CDC14A: variants seen among roughly 807,000 people sequenced by gnomAD.
The protein encoded by CDC14A is dual specificity protein phosphatase CDC14A.
CDC14A carries 53 observed loss-of-function variants against 74.4 expected under a neutral mutation model. That is an observed-to-expected ratio of 0.71 (90% CI 0.57 to 0.89). CDC14A has a LOEUF of 0.89. Ranked by LOEUF, CDC14A falls within the 40% of genes least tolerant of loss-of-function variation. The probability of loss-of-function intolerance (pLI) is 0.00; values close to 1 mark genes in which losing one functional copy is unlikely to be tolerated. For missense variants in CDC14A, 646 were observed against 713.7 expected, an observed-to-expected ratio of 0.91 and a Z score of 1.08; for synonymous variants, 247 against 258.4, an observed-to-expected ratio of 0.96 and a Z score of 0.43.
intron 2 of CDC14A, among the ~76,000 whole-genome samples, chr1:100,358,396 A>G (rs1300823884): frequency 1.3e-5 from 2 of 152,212 alleles, no homozygotes; most frequent in Admixed American, 1.3e-4. Context: ...AGTGGTGGTC[A>G]TGGGTGTAGG....
intron 7 of CDC14A, among the ~76,000 whole-genome samples, chr1:100,443,637 C>T (rs1665207635): frequency 1.3e-5 from 2 of 151,990 alleles, no homozygotes; most frequent in Admixed American, 1.3e-4. Flanking sequence ...GCCAAGCCCC[C>T]TTATAATATT....
upstream of CDC14A, among the ~76,000 whole-genome samples, chr1:100,349,012 T>A (rs982540642): frequency 3.9e-5 from 6 of 152,270 alleles, no homozygotes; most frequent in African/African-American, 1.4e-4. Context: ...CTGGCCAACA[T>A]AGTGAAATCC....
chr1:100,393,110 G>A lies in CDC14A; in HGVS notation c.309+2286G>A. 4 of 1,456,746 alleles carry A rather than the reference G, an allele frequency of 2.7e-6. No homozygotes were observed. In the South Asian group the frequency reaches 3.5e-5, roughly 13 times the overall value. 90.2% of individuals were successfully genotyped at this position (1,456,746 alleles called of 1,614,324 possible). Reference sequence around the variant, plus strand: ...ATTTGATAGATTTCATTTTCTAGTTGAAAAATAGTCCGTTCAGTCTCATAA... The same window carrying A: ...ATTTGATAGATTTCATTTTCTAGTTAAAAAATAGTCCGTTCAGTCTCATAA... On this transcript the variant is annotated intron_variant, in intron 4 of 15. Coordinates refer to ENST00000336454, the MANE Select transcript of CDC14A (RefSeq NM_003672.4).
intron 8 of CDC14A, chr1:100,462,430 A>G: frequency 1.9e-6 from 1 of 529,136 alleles, no homozygotes; most frequent in Non-Finnish European, 3.4e-6. Context: ...TTAATGATGT[A>G]TTTTCAGTAC....
At chr1:100,364,559 C>G (rs955313591) in intron 2 of CDC14A, among the ~76,000 whole-genome samples, 1 of 152,146 alleles carries the variant, frequency 6.6e-6, no homozygotes, top group African/African-American at 2.4e-5. Context: ...CTTTTGAGAG[C>G]CTCAGCCACT....
chr1:100,459,645 T>C (rs979668594), intron 8 of CDC14A, among the ~76,000 whole-genome samples: 2 of 152,184 alleles, frequency 1.3e-5, no homozygotes, highest in African/African-American at 4.8e-5. Flanking sequence ...TCTGATACCG[T>C]GTTCATGTGT....
Position 100,499,137 on chromosome 1 carries a change from G to A in CDC14A, c.1630G>A (p.Gly544Arg), listed in dbSNP as rs548333749. Residue 544 changes from glycine to arginine, a missense_variant, in exon 15 of 16, where the codon GGG becomes AGG. Transcript: ENST00000336454. The part of the protein sequence containing the change: ...NQYNRSSNSN[G>R]GNLNSPPGPH... ...GTACAACAGAAGCAGCAACAGCAAC[G>A]GGGGCAACCTGAACAGCCCCCCAGG... 8.7e-6 allele frequency: 14 copies of A among 1,614,066 alleles called. No homozygotes were observed. Among genetic ancestry groups the A allele is most frequent in the Admixed American group, 3.3e-5 (2 of 60,010 alleles).
intron 4 of CDC14A, among the ~76,000 whole-genome samples, chr1:100,401,314 G>A (rs977428427): frequency 4.6e-5 from 7 of 152,034 alleles, no homozygotes; most frequent in South Asian, 2.1e-4. Flanking sequence ...CATCCTAAGC[G>A]TTCAATAAGT....
intron 9 of CDC14A, among the ~76,000 whole-genome samples, chr1:100,465,398 A>G (rs1023128900): frequency 2.6e-5 from 4 of 152,218 alleles, no homozygotes; most frequent in Non-Finnish European, 5.9e-5. Flanking sequence ...ACACACACGT[A>G]GGATTCTTTT....
In CDC14A at chr1:100,498,141, T is replaced by C. The variant is rs1170149953; in HGVS notation, c.1355T>C (p.Leu452Pro). The change falls in exon 14 of 16, where the codon CTG becomes CCG. Residue 452 changes from leucine (L) to proline (P), a missense_variant. By Grantham distance (98) the Leu-to-Pro change is moderately conservative. Transcript: ENST00000336454. ...AVTLKTSKMA[L>P]SPSATAKRIN... is the part of the protein sequence containing the mutation. The stretch of plus-strand genomic sequence containing the variant: ...ACTTTGAAGACATCAAAAATGGCAC[T>C]GTCCCCTTCAGCAACGGCCAAGAGG... 5.6e-6 allele frequency: 9 copies of C among 1,614,186 alleles called. No individual in the cohort carries two copies. Among genetic ancestry groups the C allele is most frequent in the East Asian group, 2.2e-5 (1 of 44,886 alleles).
At chr1:100,421,806 T>C (rs1188444989) in intron 4 of CDC14A, among the ~76,000 whole-genome samples, 1 of 152,224 alleles carries the variant, frequency 6.6e-6, no homozygotes, top group Non-Finnish European at 1.5e-5. Flanking sequence ...TTACTAAATG[T>C]CACTTTTCTT....
chr1:100,429,224 A>AATAAATAAATAAATAAATAC (rs1463159044), intron 5 of CDC14A, among the ~76,000 whole-genome samples: 2 of 149,418 alleles, frequency 1.3e-5, no homozygotes, highest in East Asian at 3.9e-4. Flanking sequence ...TAAATAAATA[A>AATAAATAAATAAATAAATAC]ATAAATAAAT....
intron 2 of CDC14A, among the ~76,000 whole-genome samples, chr1:100,356,648 G>A (rs530903685): frequency 2.0e-5 from 3 of 152,130 alleles, no homozygotes; most frequent in Non-Finnish European, 4.4e-5. Flanking sequence ...GAGGCCAGGA[G>A]TTCAAGACCA....
chr1:100,472,664 AT>A (rs146350936), intron 10 of CDC14A, among the ~76,000 whole-genome samples: 4 of 150,606 alleles, frequency 2.7e-5, no homozygotes, highest in African/African-American at 4.9e-5. Context: ...GATTTCTCAT[AT>A]TTTTTTTTCT....
chr1:100,496,090 T>C lies in CDC14A; in HGVS notation c.1298+41T>C, dbSNP rs371088496. 9 of 1,524,826 alleles carry C rather than the reference T, an allele frequency of 5.9e-6. No individual in the cohort carries two copies. In the African/African-American group the frequency reaches 6.8e-5, roughly 12 times the overall value. The allele number at this position is 1,524,826 out of a possible 1,614,324, so 94.5% of individuals were successfully genotyped here. A position where few individuals can be genotyped will look rare whatever the true frequency, so the allele number is the denominator to read the frequency against. On this transcript the variant is annotated intron_variant, in intron 13 of 15. Transcript: ENST00000336454. ...TTGAATGTCTAGTAGCTTGTAAATA[T>C]ATGCTTCCTTTTAGCCATGTTTCCC...
chr1:100,352,225 C>G (rs1651138014), upstream of CDC14A, among the ~76,000 whole-genome samples: 1 of 152,220 alleles, frequency 6.6e-6, no homozygotes, highest in South Asian at 2.1e-4. Flanking sequence ...TTCTGGCCTA[C>G]AGGCCCCGCC....
intron 4 of CDC14A, among the ~76,000 whole-genome samples, chr1:100,415,307 C>T (rs1007179286): frequency 2.0e-5 from 3 of 152,096 alleles, no homozygotes; most frequent in Non-Finnish European, 4.4e-5. Context: ...TATGTTAAAT[C>T]CCAGCTTCAA....
At chr1:100,393,725 G>C in intron 4 of CDC14A, 17 of 370,880 alleles carry the variant, frequency 4.6e-5, no homozygotes, top group Middle Eastern at 9.5e-4. Flanking sequence ...GGAGGCTGAG[G>C]CGGGCGGATC....
chr1:100,492,860 GTGTA>G (rs1001100211), intron 11 of CDC14A, among the ~76,000 whole-genome samples: 7 of 118,840 alleles, frequency 5.9e-5, no homozygotes, highest in African/African-American at 2.1e-4. Context: ...GTGTGTGTGT[GTGTA>G]TGTGTGTGTG....
Sources: allele counts gnomAD v4.1 joint callset (sites outside exome capture counted in the v4.1 genomes callset), GRCh38; gene constraint gnomAD v4.1.1; transcripts MANE v1.5; gene names NCBI Gene and HGNC (gene_info 2026-07-23, HGNC 2026-07-21).